Variants in FAT3 observed in about 807,000 individuals in gnomAD.
The protein encoded by FAT3 is FAT atypical cadherin 3.
FAT3 carries 95 observed loss-of-function variants against 310.2 expected under a neutral mutation model. That is an observed-to-expected ratio of 0.31 (90% CI 0.26 to 0.36). The LOEUF (loss-of-function observed/expected upper bound fraction) is 0.36. Among genes scored for constraint, FAT3 ranks in the 10% least tolerant of loss-of-function variants. FAT3 has a pLI of 1.00. For missense variants in FAT3, 5,408 were observed against 5,715.6 expected, an observed-to-expected ratio of 0.95 and a Z score of 1.74; for synonymous variants, 2,314 against 2,192.9, an observed-to-expected ratio of 1.06 and a Z score of -1.54.
intron 3 of FAT3, among the ~76,000 whole-genome samples, chr11:92,630,155 T>C (rs184529887): frequency 1.4e-3 from 213 of 152,288 alleles, no homozygotes; most frequent in African/African-American, 4.8e-3. Context: ...CTGAATGAAA[T>C]GGCATGTGTG....
intron 2 of FAT3, among the ~76,000 whole-genome samples, chr11:92,507,763 A>G (rs1271382324): frequency 1.7e-4 from 26 of 151,922 alleles, no homozygotes; most frequent in Admixed American, 1.7e-3. Context: ...CTATATATAT[A>G]CACACATATA....
At chr11:92,330,552 T>A (rs1054738317) in intron 1 of FAT3, among the ~76,000 whole-genome samples, 1 of 152,210 alleles carries the variant, frequency 6.6e-6, no homozygotes, top group Non-Finnish European at 1.5e-5. Flanking sequence ...TCAGAGAGTT[T>A]AAGTGTTTTG....
At chr11:92,598,230 ATTTT>A (rs397770261) in intron 3 of FAT3, among the ~76,000 whole-genome samples, 1 of 134,448 alleles carries the variant, frequency 7.4e-6, no homozygotes, top group African/African-American at 2.9e-5. Context: ...ATATATATAT[ATTTT>A]TTTTTTTTTT....
intron 4 of FAT3, 81 bp from the exon 5 acceptor site, chr11:92,761,775 T>C: frequency 3.1e-6 from 4 of 1,291,256 alleles, no homozygotes; most frequent in African/African-American, 1.5e-5. Context: ...TGTCCGTGCA[T>C]TAGAAGAAAC....
chr11:92,688,420 A>G (rs914353927), intron 3 of FAT3, among the ~76,000 whole-genome samples: 9 of 152,166 alleles, frequency 5.9e-5, no homozygotes, highest in African/African-American at 1.9e-4. Flanking sequence ...AGATAAGCCA[A>G]TAAAAGTAAT....
At chr11:92,763,719 G>T (rs1441735672) in intron 5 of FAT3, among the ~76,000 whole-genome samples, 1 of 152,150 alleles carries the variant, frequency 6.6e-6, no homozygotes. Flanking sequence ...CCTCTGGTCA[G>T]CCAGGACCAC....
At chr11:92,440,628 T>A (rs903319084) in intron 2 of FAT3, among the ~76,000 whole-genome samples, 2 of 152,118 alleles carry the variant, frequency 1.3e-5, no homozygotes, top group Non-Finnish European at 2.9e-5. Context: ...GTGGTGGAGA[T>A]GTCAATCAAA....
rs555665296 is a variant in FAT3, at chr11:92,273,933, G to A, written c.-18+48759G>A. 2.0e-5 allele frequency among the ~76,000 whole-genome samples: 3 copies of A among 152,208 alleles called. No homozygotes were observed. In the South Asian group the frequency reaches 6.2e-4, roughly 32 times the overall value. ...TTCTGATATAATAAACCAACTTTAT[G>A]ACGGGTTTGTTTATCAGCAGGTTGC... is the stretch of plus-strand genomic sequence containing the variant. On this transcript the variant is annotated intron_variant, in intron 1 of 27. Transcript: ENST00000525166.
intron 1 of FAT3, among the ~76,000 whole-genome samples, chr11:92,319,163 C>T (rs1431919235): frequency 6.6e-6 from 1 of 152,160 alleles, no homozygotes; most frequent in African/African-American, 2.4e-5. Context: ...AAGCAAGAAT[C>T]TTTTCCCCTA....
At chr11:92,848,882 A>G (rs959013222) in intron 19 of FAT3, among the ~76,000 whole-genome samples, 1 of 152,208 alleles carries the variant, frequency 6.6e-6, no homozygotes, top group African/African-American at 2.4e-5. Context: ...GATGCCTGGA[A>G]TTATCTAGGT....
chr11:92,430,558 G>C (rs568516733), intron 2 of FAT3, among the ~76,000 whole-genome samples: 3 of 151,728 alleles, frequency 2.0e-5, no homozygotes, highest in Non-Finnish European at 4.4e-5. Flanking sequence ...TGTGTACAAC[G>C]TGCAGGTTAG....
At chr11:92,877,327 A>G (rs1450523697) in intron 22 of FAT3, among the ~76,000 whole-genome samples, 2 of 152,196 alleles carry the variant, frequency 1.3e-5, no homozygotes, top group Non-Finnish European at 2.9e-5. Context: ...AACGGTTTAG[A>G]GGCAGTCAGG....
intron 3 of FAT3, among the ~76,000 whole-genome samples, chr11:92,617,959 G>A (rs930871718): frequency 5.9e-5 from 9 of 152,168 alleles, no homozygotes; most frequent in Non-Finnish European, 8.8e-5. Flanking sequence ...CAGTCTGTCC[G>A]TTCTCAGATC....
At position 92,547,409 on chromosome 11, in the gene FAT3, A is replaced by G. The variant is rs548586086; in HGVS notation, c.3607+22461A>G. ...ACATGCCTATAGCCTTAAAATTGGC[A>G]GGTCTGGGATCAAAAAGAGAATAAA... On this transcript the variant is annotated intron_variant, in intron 3 of 27. Transcript: ENST00000525166. Among the ~76,000 whole-genome samples, 39 of 152,302 alleles carry G rather than the reference A, an allele frequency of 2.6e-4. 1 individual carries two copies. The South Asian group carries it at 7.9e-3, about 31-fold the overall frequency.
Position 92,524,756 on chromosome 11 carries a change from G to A in FAT3, c.3415G>A (p.Glu1139Lys), listed in dbSNP as rs865887164. Reference protein sequence around the residue: ...YSTIEVYIEVEDVNDNAPLTS... With the variant: ...YSTIEVYIEVKDVNDNAPLTS... ...CACCATTGAGGTCTACATTGAAGTT[G>A]AAGATGTGAATGACAATGCCCCGCT... Residue 1139 changes from glutamate to lysine, a missense_variant, in exon 3 of 28, where the codon GAA becomes AAA. Physicochemically the swap from Glu to Lys is moderately conservative, Grantham distance 56. Coordinates refer to ENST00000525166, the MANE Select transcript of FAT3 (RefSeq NM_001367949.2). 9 of 1,613,678 alleles carry A rather than the reference G, an allele frequency of 5.6e-6. No individual in the cohort carries two copies. The Admixed American group carries it at 1.2e-4, about 21-fold the overall frequency.
intron 12 of FAT3, 131 bp from the exon 13 acceptor site, chr11:92,809,712 A>G (rs1317827411): frequency 3.0e-6 from 2 of 673,744 alleles, no homozygotes; most frequent in Admixed American, 2.9e-5. Flanking sequence ...TTTTTAAAGT[A>G]TGGGACACTT....
At chr11:92,762,448 CA>C (rs1389523663) in intron 5 of FAT3, among the ~76,000 whole-genome samples, 5 of 152,170 alleles carry the variant, frequency 3.3e-5, no homozygotes, top group African/African-American at 7.2e-5. Flanking sequence ...ACTCTTTCTG[CA>C]GCCCTAAATC....
In FAT3 at chr11:92,893,461, A is replaced by G. The variant is rs1182374617; in HGVS notation, c.*2348A>G. 6.6e-6 allele frequency: 1 copy of G among 152,270 alleles called. No homozygotes were observed. Among genetic ancestry groups the G allele is most frequent in the African/African-American group, 2.4e-5 (1 of 41,472 alleles). 9.4% of individuals were successfully genotyped at this position (152,270 alleles called of 1,614,324 possible). ...GCAATGACATAAAAACCATCAAAGT[A>G]AAACCAACATGTCATTTCCTGCCCC... On this transcript the variant is annotated 3_prime_UTR_variant, in exon 28 of 28. Transcript: ENST00000525166.
In FAT3 at chr11:92,815,197, C is replaced by A. The variant is rs188456384; in HGVS notation, c.9481+5121C>A. Reference sequence around the variant, plus strand: ...CTGAAATGAATTGGAACAAGGAAAACCAGGGACTAGGAAAGCTCCTAGGAG... The same window carrying A: ...CTGAAATGAATTGGAACAAGGAAAAACAGGGACTAGGAAAGCTCCTAGGAG... On this transcript the variant is annotated intron_variant, in intron 13 of 27. Transcript: ENST00000525166. Among the ~76,000 whole-genome samples the A allele has an allele frequency of 4.7e-4, 71 of 152,190 alleles. 1 individual carries two copies. In the Middle Eastern group the frequency reaches 0.01, roughly 22 times the overall value.
Sources: gnomAD v4.1 joint callset for allele counts (sites outside exome capture counted in the v4.1 genomes callset) on GRCh38, gnomAD v4.1.1 for gene constraint, MANE v1.5 for transcripts, NCBI Gene and HGNC (gene_info 2026-07-23, HGNC 2026-07-21) for gene names.